ETFDH: variants seen among roughly 807,000 people sequenced by gnomAD.
The protein encoded by ETFDH is electron transfer flavoprotein dehydrogenase, also known as electron transfer flavoprotein-ubiquinone oxidoreductase, mitochondrial.
Under a neutral mutation model 73.2 loss-of-function variants are expected in ETFDH, and 61 were observed. The observed-to-expected ratio is 0.83, with a 90% CI of 0.68 to 1.03. ETFDH has a LOEUF of 1.03. Ranked by LOEUF, ETFDH falls within the 50% of genes least tolerant of loss-of-function variation. The probability of loss-of-function intolerance (pLI) is 0.00; values close to 1 mark genes in which losing one functional copy is unlikely to be tolerated. For missense variants in ETFDH, 685 were observed against 745.0 expected (o/e 0.92, Z 0.94); for synonymous variants, 243 against 253.3 (o/e 0.96, Z 0.39).
rs774967844 is a variant in ETFDH at position 158,695,633 on chromosome 4, G to C, written c.821G>C (p.Gly274Ala). The change falls in exon 7 of 13, where the codon GGA becomes GCA. Residue 274 changes from glycine to alanine, a missense_variant. Transcript: ENST00000511912. ...TGTGAACCTCAAACCTACGGGATTG[G>C]ACTGAAGGAGGTATCCTGGTTTGTT... is the stretch of plus-strand genomic sequence containing the variant. ...ANCEPQTYGI[G>A]LKELWVIDEK... 1.2e-6 allele frequency: 2 copies of C among 1,608,382 alleles called. No homozygotes were observed.
At chr4:158,677,839 A>G (rs1472032265) in intron 1 of ETFDH, among the ~76,000 whole-genome samples, 5 of 152,170 alleles carry the variant, frequency 3.3e-5, no homozygotes, top group Non-Finnish European at 7.3e-5. Flanking sequence ...TTTCTTTGGA[A>G]TCCCCCTGGC....
Position 158,674,168 on chromosome 4 carries a change from A to G in ETFDH, c.34+1678A>G, listed in dbSNP as rs149099731. Among the ~76,000 whole-genome samples, 313 of 152,320 alleles carry G rather than the reference A, an allele frequency of 2.1e-3. 1 individual carries two copies. The highest frequency in any genetic ancestry group is 7.3e-3 in the African/African-American group (302 of 41,566). On this transcript the variant is annotated intron_variant, in intron 1 of 12. Coordinates refer to ENST00000511912, the MANE Select transcript of ETFDH (RefSeq NM_004453.4). ...ATGCATTGAAAACTAAATATTTTAA[A>G]TATTCGTTATAGTGTATTTGAACTC... is the stretch of plus-strand genomic sequence containing the variant.
chr4:158,674,182 G>A (rs1773655943), intron 1 of ETFDH, among the ~76,000 whole-genome samples: 1 of 151,870 alleles, frequency 6.6e-6, no homozygotes, highest in African/African-American at 2.4e-5. Context: ...TCGTTATAGT[G>A]TATTTGAACT....
intron 5 of ETFDH, among the ~76,000 whole-genome samples, chr4:158,689,636 A>ATATATATATATATT (rs765147554): frequency 0.017 from 1,056 of 63,638 alleles, 222 homozygotes; most frequent in African/African-American, 0.03. Context: ...ATATATATAT[A>ATATATATATATATT]TTGTGGGGGG....
Position 158,672,429 on chromosome 4 carries a change from C to T in ETFDH, c.-28C>T. 1 of 1,613,912 alleles carries T rather than the reference C, an allele frequency of 6.2e-7. No individual in the cohort carries two copies. Among genetic ancestry groups the T allele is most frequent in the Non-Finnish European group, 8.5e-7 (1 of 1,179,830 alleles). On this transcript the variant is annotated 5_prime_UTR_variant, in exon 1 of 13. Coordinates refer to ENST00000511912, the MANE Select transcript of ETFDH (RefSeq NM_004453.4). ...GCAGCGGACAGTCCTCCTGTTGTGT[C>T]CGACCGAGAGTCCTGGTGACTTTGA... is the stretch of plus-strand genomic sequence containing the variant.
At chr4:158,682,046 A>G (rs1320515984) in intron 2 of ETFDH, 149 bp from the exon 3 acceptor site, 2 of 985,200 alleles carry the variant, frequency 2.0e-6, no homozygotes, top group Non-Finnish European at 3.1e-6. Flanking sequence ...ATACTAATAC[A>G]GTAATATGCT....
chr4:158,694,793 A>T (rs145893953), intron 6 of ETFDH, among the ~76,000 whole-genome samples: 46 of 152,170 alleles, frequency 3.0e-4, no homozygotes, highest in Admixed American at 2.6e-3. Context: ...AAAAAAATAG[A>T]TGTACCCTTT....
At chr4:158,700,571 C>CAT (rs1561248480) in intron 9 of ETFDH, 1 of 73,814 alleles carries the variant, frequency 1.4e-5, no homozygotes, top group African/African-American at 4.6e-5. Flanking sequence ...CACACACACA[C>CAT]GCACACACAC....
At chr4:158,680,654 T>C (rs1773831452) in intron 2 of ETFDH, 47 bp downstream of exon 2, 7 of 1,501,006 alleles carry the variant, frequency 4.7e-6, no homozygotes, top group Non-Finnish European at 6.5e-6. Context: ...CTGGATACTT[T>C]GTTTTCATTT....
intron 3 of ETFDH, among the ~76,000 whole-genome samples, chr4:158,683,228 T>C (rs888815918): frequency 4.6e-5 from 7 of 152,214 alleles, no homozygotes; most frequent in African/African-American, 1.7e-4. Flanking sequence ...TAAATAAAAT[T>C]TGTATGAATT....
intron 5 of ETFDH, 152 bp from the exon 6 acceptor site, chr4:158,690,196 A>T (rs1352401952): frequency 3.2e-6 from 2 of 619,504 alleles, no homozygotes; most frequent in Non-Finnish European, 5.8e-6. Flanking sequence ...ACCTTAATAC[A>T]TGTCTCTTTA....
chr4:158,688,000 A>G (rs1370048510), intron 5 of ETFDH, among the ~76,000 whole-genome samples: 1 of 152,166 alleles, frequency 6.6e-6, no homozygotes, highest in Non-Finnish European at 1.5e-5. Context: ...AGATCATGCC[A>G]CTGCACTCCA....
At chr4:158,704,024 G>T (rs1478855637) in intron 10 of ETFDH, among the ~76,000 whole-genome samples, 1 of 152,174 alleles carries the variant, frequency 6.6e-6, no homozygotes, top group Non-Finnish European at 1.5e-5. Context: ...ACTTGAACCT[G>T]GGAGGTGGAG....
chr4:158,673,940 C>A (rs191392725), intron 1 of ETFDH, among the ~76,000 whole-genome samples: 1,774 of 152,230 alleles, frequency 0.012, 26 homozygotes, highest in African/African-American at 0.038. Flanking sequence ...CTGAATATTC[C>A]AATCTCTAAA....
In ETFDH at chr4:158,706,447, T is replaced by C. The variant is rs937374680; in HGVS notation, c.1468+76T>C. On this transcript the variant is annotated intron_variant, in intron 11 of 12. Transcript: ENST00000511912. ...GGATCTGTTAATTAGAGAAAGTGAT[T>C]GTTTTAATGTTTTCAACTTGGAGAA... is the stretch of plus-strand genomic sequence containing the variant. 11 of 1,260,152 alleles carry C rather than the reference T, an allele frequency of 8.7e-6. No homozygotes were observed. The African/African-American group carries it at 1.2e-4, about 14-fold the overall frequency. The allele number at this position is 1,260,152 out of a possible 1,614,324, so 78.1% of individuals were successfully genotyped here. A position where few individuals can be genotyped will look rare whatever the true frequency, so the allele number is the denominator to read the frequency against.
At position 158,672,369 on chromosome 4, in the gene ETFDH, C is replaced by T. The variant is rs1773591413; in HGVS notation, c.-88C>T. On this transcript the variant is annotated 5_prime_UTR_variant, in exon 1 of 13. Coordinates refer to ENST00000511912, the MANE Select transcript of ETFDH (RefSeq NM_004453.4). ...TCTTGCTTTCCGGCAGGTGATGGCG[C>T]CCCCCGCGGCCTAGAGGTCCAGCGC... 2.2e-6 allele frequency: 3 copies of T among 1,384,080 alleles called. No homozygotes were observed. The highest frequency in any genetic ancestry group is 2.1e-6 in the Non-Finnish European group (2 of 971,416). 85.7% of individuals were successfully genotyped at this position (1,384,080 alleles called of 1,614,324 possible). A position where few individuals can be genotyped will look rare whatever the true frequency, so the allele number is the denominator to read the frequency against.
intron 5 of ETFDH, among the ~76,000 whole-genome samples, chr4:158,689,584 A>G (rs1774100828): frequency 7.9e-6 from 1 of 127,026 alleles, no homozygotes; most frequent in Admixed American, 8.2e-5. Context: ...CAGGATCTCA[A>G]ATAAAACCTT....
At chr4:158,703,333 C>T (rs1774515104) in intron 9 of ETFDH, 90 bp from the exon 10 acceptor site, 7 of 915,082 alleles carry the variant, frequency 7.6e-6, no homozygotes, top group Non-Finnish European at 1.3e-5. Context: ...TTCCCTACAG[C>T]TCTAGAATAC....
At position 158,697,691 on chromosome 4, in the gene ETFDH, G is replaced by C; in HGVS notation, c.964G>C (p.Gly322Arg). ...TGAAGGTGAACCCCTAGTAGCTCTT[G>C]GTCTTGTGGTAAGTTATATTCCCAT... ...LNEGEPLVAL[G>R]LVVGLDYQNP... The change falls in exon 8 of 13, where the codon GGT (glycine) becomes CGT (arginine). Residue 322 changes from glycine to arginine, a missense_variant. Coordinates refer to ENST00000511912, the MANE Select transcript of ETFDH (RefSeq NM_004453.4). The C allele has an allele frequency of 6.2e-7, 1 of 1,613,424 alleles. No homozygotes were observed. The highest frequency in any genetic ancestry group is 8.5e-7 in the Non-Finnish European group (1 of 1,179,548).
Sources: gnomAD v4.1 joint callset for allele counts (sites outside exome capture counted in the v4.1 genomes callset) on GRCh38, gnomAD v4.1.1 for gene constraint, MANE v1.5 for transcripts, NCBI Gene and HGNC (gene_info 2026-07-23, HGNC 2026-07-21) for gene names.